Variants in BRCA1 observed in about 807,000 individuals in gnomAD.
BRCA1 encodes BRCA1 DNA repair associated, also known as breast cancer type 1 susceptibility protein.
In BRCA1, 140 loss-of-function variants were observed where a neutral mutation model predicts 173.7. The ratio of observed to expected loss-of-function variants is 0.81; its 90% CI spans 0.70 to 0.93. BRCA1 has a LOEUF of 0.93. BRCA1 is among the 40% of genes least tolerant of loss of function. The pLI is 0.00. For synonymous variants in BRCA1, 662 were observed against 756.0 expected (o/e 0.88, Z 2.04); for missense variants, 1,983 against 2,172.5 (o/e 0.91, Z 1.73).
At chr17:43,157,500 A>G (rs929621555) in intron 1 of BRCA1, among the ~76,000 whole-genome samples, 13 of 148,698 alleles carry the variant, frequency 8.7e-5, no homozygotes, top group African/African-American at 2.8e-4. Flanking sequence ...GAGATCAAGA[A>G]CATCCTGACA....
At chr17:43,112,380 C>G (rs1408161572) in intron 3 of BRCA1, 1 of 152,190 alleles carries the variant, frequency 6.6e-6, no homozygotes, top group African/African-American at 2.4e-5. Flanking sequence ...GCCACCACAC[C>G]CGGCTTTGGA....
chr17:43,129,599 G>A (rs1473183269), upstream of BRCA1, among the ~76,000 whole-genome samples: 4 of 151,870 alleles, frequency 2.6e-5, no homozygotes, highest in Non-Finnish European at 5.9e-5. Context: ...TCAGCCTCCC[G>A]AGTAGCTGGG....
intron 19 of BRCA1, among the ~76,000 whole-genome samples, chr17:43,056,685 AAGAG>A (rs368740506): frequency 5.3e-5 from 8 of 151,502 alleles, no homozygotes; most frequent in East Asian, 1.9e-4. Context: ...GAAAAAAAAA[AAGAG>A]AGAGAGAGAG....
intron 1 of BRCA1, chr17:43,169,931 C>G: frequency 2.2e-6 from 1 of 458,280 alleles, no homozygotes; most frequent in Non-Finnish European, 4.4e-6. Context: ...TGGCCAGGAC[C>G]TTTGCAAACA....
At chr17:43,138,645 CTT>C (rs2056048026) in intron 1 of BRCA1, 1 of 774,806 alleles carries the variant, frequency 1.3e-6, no homozygotes, top group Non-Finnish European at 2.4e-6. Flanking sequence ...CATTTCACCC[CTT>C]TCTGTGCAGG....
At chr17:43,122,662 C>T (rs1416431999) in intron 2 of BRCA1, among the ~76,000 whole-genome samples, 1 of 151,990 alleles carries the variant, frequency 6.6e-6, no homozygotes, top group Admixed American at 6.6e-5. Flanking sequence ...AATCCCAGCA[C>T]CTTGAGAGGC....
chr17:43,049,666 C>CAA (rs1385680561), intron 20 of BRCA1, among the ~76,000 whole-genome samples: 1 of 151,934 alleles, frequency 6.6e-6, no homozygotes, highest in South Asian at 2.1e-4. Flanking sequence ...TTCATCCAGT[C>CAA]AAAAAAATAC....
upstream of BRCA1, among the ~76,000 whole-genome samples, chr17:43,127,815 G>A (rs1169215017): frequency 1.3e-5 from 2 of 152,018 alleles, no homozygotes; most frequent in African/African-American, 2.4e-5. Context: ...ACGAGGTCAA[G>A]AGATCGAGAC....
At chr17:43,099,937 T>C in intron 6 of BRCA1, 57 bp from the exon 7 acceptor site, 5 of 1,344,836 alleles carry the variant, frequency 3.7e-6, no homozygotes, top group Non-Finnish European at 5.3e-6. Flanking sequence ...GTGCTTTTCC[T>C]CCTGAAGAGA....
chr17:43,058,157 C>T (rs983959849), intron 18 of BRCA1, among the ~76,000 whole-genome samples: 1 of 151,822 alleles, frequency 6.6e-6, no homozygotes, highest in African/African-American at 2.4e-5. Flanking sequence ...CAGCTTGAGA[C>T]CAGGAGCTGG....
intron 1 of BRCA1, among the ~76,000 whole-genome samples, chr17:43,155,893 G>A (rs564764778): frequency 1.3e-5 from 2 of 152,256 alleles, no homozygotes; most frequent in Admixed American, 6.5e-5. Flanking sequence ...AAGTATCCTG[G>A]TAGTGCGACA....
chr17:43,109,985 C>G (rs1372117403), intron 3 of BRCA1, among the ~76,000 whole-genome samples: 1 of 151,878 alleles, frequency 6.6e-6, no homozygotes, highest in Non-Finnish European at 1.5e-5. Context: ...AGCTCTGCCT[C>G]CTGGGTTCAC....
At chr17:43,046,964 A>C (rs972182731) in intron 22 of BRCA1, among the ~76,000 whole-genome samples, 1 of 152,212 alleles carries the variant, frequency 6.6e-6, no homozygotes, top group Non-Finnish European at 1.5e-5. Context: ...GGAAAAAAGC[A>C]AAACAGTGTA....
intron 11 of BRCA1, chr17:43,082,811 T>C: frequency 1.8e-6 from 1 of 554,718 alleles, no homozygotes; most frequent in Non-Finnish European, 3.2e-6. Context: ...CAAATAGACT[T>C]GATGTTATTG....
At chr17:43,115,589 A>C (rs1462919957) in intron 3 of BRCA1, 137 bp downstream of exon 3, 3 of 823,916 alleles carry the variant, frequency 3.6e-6, no homozygotes, top group Non-Finnish European at 3.9e-6. Context: ...CTCTCTGAGA[A>C]AGAATGAAAT....
chr17:43,154,836 G>C (rs1254564585), intron 1 of BRCA1, among the ~76,000 whole-genome samples: 3 of 151,946 alleles, frequency 2.0e-5, no homozygotes, highest in African/African-American at 7.3e-5. Flanking sequence ...AAATAAGCAG[G>C]GTAAGGGGAA....
At chr17:43,117,638 C>T (rs922182386) in intron 2 of BRCA1, among the ~76,000 whole-genome samples, 10 of 152,118 alleles carry the variant, frequency 6.6e-5, no homozygotes, top group Admixed American at 2.0e-4. Context: ...ACTTGGGAGG[C>T]TAAGGCAGGA....
Position 43,070,997 on chromosome 17 carries a change from C to G in BRCA1, c.4917G>C (p.Leu1639Phe), listed in dbSNP as rs1060504558. The G allele has an allele frequency of 6.2e-7, 1 of 1,614,236 alleles. No homozygotes were observed. The highest frequency in any genetic ancestry group is 8.5e-7 in the Non-Finnish European group (1 of 1,180,044). The change falls in exon 15 of 23, where the codon TTG becomes TTC. Residue 1639 changes from leucine to phenylalanine, a missense_variant. By Grantham distance (22) the Leu-to-Phe change is conservative (BLOSUM62 0). Transcript: ENST00000357654. Reference sequence around the variant, plus strand: ...TGTTGACCCTTTCTGTTGAAGCTGTCAATTCTGGCTTCTCCCTGCTCACAC... The same window carrying G: ...TGTTGACCCTTTCTGTTGAAGCTGTGAATTCTGGCTTCTCCCTGCTCACAC... ...EESVSREKPELTASTERVNKR... is the reference protein window; with the variant it reads ...EESVSREKPEFTASTERVNKR...
At chr17:43,157,482 G>A (rs551890479) in intron 1 of BRCA1, among the ~76,000 whole-genome samples, 17 of 141,556 alleles carry the variant, frequency 1.2e-4, no homozygotes, top group South Asian at 9.1e-4. Flanking sequence ...GGCAGATCAC[G>A]AGGTCAGGAG....
Sources: gnomAD v4.1 joint callset for allele counts (sites outside exome capture counted in the v4.1 genomes callset) on GRCh38, gnomAD v4.1.1 for gene constraint, MANE v1.5 for transcripts, NCBI Gene and HGNC (gene_info 2026-07-23, HGNC 2026-07-21) for gene names.